Variants in CPQ observed in about 807,000 individuals in gnomAD.
The protein encoded by CPQ is carboxypeptidase Q.
In CPQ, 37 loss-of-function variants were observed where a neutral mutation model predicts 45.7. The ratio of observed to expected loss-of-function variants is 0.81; its 90% CI spans 0.62 to 1.07. The LOEUF is 1.07. CPQ is among the 50% of genes least tolerant of loss of function. The pLI is 0.00. For missense variants in CPQ, 537 were observed against 572.9 expected (o/e 0.94, Z 0.64); for synonymous variants, 186 against 205.8 (o/e 0.90, Z 0.82).
chr8:96,936,067 A>AT (rs60015279), intron 4 of CPQ, among the ~76,000 whole-genome samples: 11,631 of 151,924 alleles, frequency 0.077, 843 homozygotes, highest in African/African-American at 0.19. Flanking sequence ...TCTTTCCCTC[A>AT]TTTTTGTGGC....
chr8:96,781,973 C>A (rs1810691894), intron 1 of CPQ, among the ~76,000 whole-genome samples: 1 of 152,186 alleles, frequency 6.6e-6, no homozygotes, highest in East Asian at 1.9e-4. Context: ...TTCCTGGACA[C>A]ACTGGGGAAG....
At chr8:96,932,013 T>C (rs1411158925) in intron 4 of CPQ, among the ~76,000 whole-genome samples, 1 of 152,236 alleles carries the variant, frequency 6.6e-6, no homozygotes, top group Non-Finnish European at 1.5e-5. Flanking sequence ...GTTCCAATGT[T>C]CCTTTCTTTT....
intron 4 of CPQ, among the ~76,000 whole-genome samples, chr8:96,929,099 G>A (rs1380346745): frequency 1.3e-5 from 2 of 152,202 alleles, no homozygotes; most frequent in African/African-American, 4.8e-5. Context: ...GAGCTTGCTC[G>A]GGCTTTTGAA....
At chr8:96,875,754 T>A (rs868036845) in intron 3 of CPQ, among the ~76,000 whole-genome samples, 1 of 151,986 alleles carries the variant, frequency 6.6e-6, no homozygotes, top group African/African-American at 2.4e-5. Context: ...GTTCTTTTTT[T>A]AAAATTCTAA....
intron 1 of CPQ, among the ~76,000 whole-genome samples, chr8:96,657,542 G>A (rs1432845165): frequency 6.6e-6 from 1 of 152,160 alleles, no homozygotes; most frequent in Non-Finnish European, 1.5e-5. Flanking sequence ...TTGCTTGTTG[G>A]ACTTTCTGTA....
At chr8:96,757,656 G>A (rs184264440) in intron 1 of CPQ, among the ~76,000 whole-genome samples, 21 of 151,188 alleles carry the variant, frequency 1.4e-4, no homozygotes, top group Middle Eastern at 3.4e-3. Flanking sequence ...TCTATTTATT[G>A]TGTTCTGACC....
At chr8:96,789,892 G>C (rs1056893093) in intron 2 of CPQ, among the ~76,000 whole-genome samples, 3 of 152,094 alleles carry the variant, frequency 2.0e-5, no homozygotes, top group South Asian at 4.1e-4. Context: ...CCCATGTGTT[G>C]TTTTGATTGT....
At chr8:96,800,292 T>TA (rs1324449478) in intron 2 of CPQ, among the ~76,000 whole-genome samples, 2 of 152,166 alleles carry the variant, frequency 1.3e-5, no homozygotes, top group African/African-American at 4.8e-5. Context: ...ATGCAAATTT[T>TA]AAAAACAATG....
intron 4 of CPQ, among the ~76,000 whole-genome samples, chr8:96,906,579 C>T (rs1400845753): frequency 6.6e-6 from 1 of 152,172 alleles, no homozygotes; most frequent in Non-Finnish European, 1.5e-5. Flanking sequence ...TTATATACAA[C>T]AGAAACTTAT....
intron 5 of CPQ, among the ~76,000 whole-genome samples, chr8:97,023,907 C>T (rs1809752035): frequency 6.6e-6 from 1 of 152,218 alleles, no homozygotes; most frequent in Non-Finnish European, 1.5e-5. Context: ...GCTGCCCTCT[C>T]TGGTGTCTGC....
At chr8:97,084,724 T>A (rs1038986216) in intron 7 of CPQ, among the ~76,000 whole-genome samples, 2 of 151,770 alleles carry the variant, frequency 1.3e-5, no homozygotes, top group Non-Finnish European at 2.9e-5. Flanking sequence ...AACTAAGGAG[T>A]TTAATTTTGC....
chr8:97,003,715 T>C (rs898687193), intron 5 of CPQ, among the ~76,000 whole-genome samples: 6 of 152,184 alleles, frequency 3.9e-5, no homozygotes, highest in African/African-American at 1.4e-4. Context: ...ATCATCTGCT[T>C]GGAAGGGGCC....
At chr8:96,836,418 T>A (rs1010343167) in intron 3 of CPQ, among the ~76,000 whole-genome samples, 3 of 152,186 alleles carry the variant, frequency 2.0e-5, no homozygotes, top group African/African-American at 7.2e-5. Context: ...AACTACATGT[T>A]AGAAAGTTAT....
At chr8:96,672,367 A>C (rs1225351116) in intron 1 of CPQ, among the ~76,000 whole-genome samples, 1 of 152,168 alleles carries the variant, frequency 6.6e-6, no homozygotes, top group African/African-American at 2.4e-5. Context: ...AACAAAACAG[A>C]TGAGAAATAT....
At chr8:96,704,408 G>A (rs764661734) in intron 1 of CPQ, among the ~76,000 whole-genome samples, 20 of 152,202 alleles carry the variant, frequency 1.3e-4, no homozygotes, top group African/African-American at 2.4e-4. Flanking sequence ...TATAGTTATG[G>A]TAATGCTAGG....
chr8:96,959,155 TATGAAAACATGG>T (rs1375245248), intron 4 of CPQ, among the ~76,000 whole-genome samples: 3 of 152,186 alleles, frequency 2.0e-5, no homozygotes, highest in Non-Finnish European at 2.9e-5. Flanking sequence ...CAGTGGGGAT[TATGAAAACATGG>T]ATTTCTTGAG....
chr8:96,657,537 T>C (rs1815652173), intron 1 of CPQ, among the ~76,000 whole-genome samples: 1 of 152,228 alleles, frequency 6.6e-6, no homozygotes, highest in South Asian at 2.1e-4. Context: ...GATTGTTGCT[T>C]GTTGGACTTT....
At chr8:96,835,411 T>G (rs967590676) in intron 3 of CPQ, among the ~76,000 whole-genome samples, 1 of 152,248 alleles carries the variant, frequency 6.6e-6, no homozygotes. Context: ...CTTTAAGGCT[T>G]TTCACATCCA....
At chr8:97,075,308 C>G (rs1171981156) in intron 7 of CPQ, among the ~76,000 whole-genome samples, 1 of 152,090 alleles carries the variant, frequency 6.6e-6, no homozygotes, top group Non-Finnish European at 1.5e-5. Context: ...TCTATCTTCC[C>G]CTTTTAGGGT....
Sources: gnomAD v4.1 joint callset for allele counts (sites outside exome capture counted in the v4.1 genomes callset) on GRCh38, gnomAD v4.1.1 for gene constraint, MANE v1.5 for transcripts, NCBI Gene and HGNC (gene_info 2026-07-23, HGNC 2026-07-21) for gene names.